The following RNF180 variants were observed in gnomAD, a reference collection of about 807,000 sequenced individuals.
RNF180 encodes the protein E3 ubiquitin-protein ligase RNF180.
In RNF180, 38 loss-of-function variants were observed where a neutral mutation model predicts 59.2. The observed-to-expected ratio is 0.64, with a 90% CI of 0.50 to 0.84. The LOEUF (loss-of-function observed/expected upper bound fraction) is 0.84, where lower values mean the gene tolerates loss of function less well. RNF180 is among the 40% of genes least tolerant of loss of function. The probability of loss-of-function intolerance (pLI) is 0.00; values close to 1 mark genes in which losing one functional copy is unlikely to be tolerated. For synonymous variants in RNF180, 262 were observed against 240.3 expected, an observed-to-expected ratio of 1.09 and a Z score of -0.84; for missense variants, 705 against 700.9, an observed-to-expected ratio of 1.01 and a Z score of -0.07.
At chr5:64,316,866 G>A (rs147565027) in intron 5 of RNF180, among the ~76,000 whole-genome samples, 158 of 152,232 alleles carry the variant, frequency 1.0e-3, no homozygotes, top group African/African-American at 3.7e-3. Flanking sequence ...GTCCCTCAAT[G>A]TCCAAGGGGG....
intron 1 of RNF180, among the ~76,000 whole-genome samples, chr5:64,179,916 T>A (rs1750478500): frequency 6.6e-6 from 1 of 152,206 alleles, no homozygotes; most frequent in Non-Finnish European, 1.5e-5. Context: ...TGTAAGACTT[T>A]TTAATTTTTC....
At chr5:64,250,332 A>T (rs1743486268) in intron 5 of RNF180, among the ~76,000 whole-genome samples, 1 of 152,122 alleles carries the variant, frequency 6.6e-6, no homozygotes, top group Admixed American at 6.6e-5. Flanking sequence ...AAAAGAACAG[A>T]AATCTCAACC....
chr5:64,227,086 C>G (rs1741813715), intron 5 of RNF180, among the ~76,000 whole-genome samples: 1 of 152,166 alleles, frequency 6.6e-6, no homozygotes, highest in African/African-American at 2.4e-5. Flanking sequence ...AGATCGTCAA[C>G]CACGGCTCCC....
At chr5:64,251,733 C>G (rs75525771) in intron 5 of RNF180, among the ~76,000 whole-genome samples, 3,129 of 152,182 alleles carry the variant, frequency 0.021, 98 homozygotes, top group African/African-American at 0.071. Context: ...AACTTTTGAA[C>G]TAACAAAAGA....
intron 5 of RNF180, among the ~76,000 whole-genome samples, chr5:64,323,846 C>A (rs936842192): frequency 7.9e-5 from 12 of 152,188 alleles, no homozygotes; most frequent in African/African-American, 2.4e-4. Flanking sequence ...ATTCTGCTAA[C>A]AAACCTTCTA....
chr5:64,318,050 A>C lies in RNF180; in HGVS notation c.1228-7136A>C, dbSNP rs534407834. On this transcript the variant is annotated intron_variant, in intron 5 of 7. Coordinates refer to ENST00000389100, the MANE Select transcript of RNF180 (RefSeq NM_001113561.2). ...GGTGCTCAAAGTATGGTTTCTACTG[A>C]ATGCATATAATTTTCACACCATCCT... 1.8e-4 allele frequency among the ~76,000 whole-genome samples: 27 copies of C among 152,292 alleles called. No homozygotes were observed. In the South Asian group the frequency reaches 3.3e-3, roughly 19 times the overall value.
At chr5:64,304,376 C>A (rs1277779881) in intron 5 of RNF180, among the ~76,000 whole-genome samples, 1 of 151,498 alleles carries the variant, frequency 6.6e-6, no homozygotes, top group Non-Finnish European at 1.5e-5. Flanking sequence ...GGGCAAAGCA[C>A]ATGGAAAACC....
At chr5:64,227,414 A>G (rs1741834807) in intron 5 of RNF180, among the ~76,000 whole-genome samples, 1 of 152,276 alleles carries the variant, frequency 6.6e-6, no homozygotes, top group East Asian at 1.9e-4. Context: ...CCAGCCACAC[A>G]TGTCCTGGTC....
intron 1 of RNF180, 69 bp downstream of exon 1, chr5:64,166,022 C>G (rs1413719061): frequency 6.5e-6 from 1 of 152,750 alleles, no homozygotes; most frequent in Non-Finnish European, 1.5e-5. Context: ...CTGGCCTCGG[C>G]CGGGCCCTAC....
chr5:64,317,551 T>C (rs1407078549), intron 5 of RNF180, among the ~76,000 whole-genome samples: 3 of 141,482 alleles, frequency 2.1e-5, no homozygotes, highest in African/African-American at 8.1e-5. Flanking sequence ...TATTTATATA[T>C]ACATATATAC....
chr5:64,215,203 A>G (rs1752553691), intron 4 of RNF180, among the ~76,000 whole-genome samples: 1 of 152,156 alleles, frequency 6.6e-6, no homozygotes, highest in Non-Finnish European at 1.5e-5. Context: ...AAGCCAATGG[A>G]TGAGATGCTC....
intron 7 of RNF180, among the ~76,000 whole-genome samples, chr5:64,344,075 A>C (rs1362054767): frequency 6.6e-6 from 1 of 151,974 alleles, no homozygotes. Flanking sequence ...AACTGCTGAA[A>C]CCCAAATATA....
At chr5:64,247,232 G>A (rs1196169547) in intron 5 of RNF180, among the ~76,000 whole-genome samples, 9 of 151,994 alleles carry the variant, frequency 5.9e-5, no homozygotes, top group East Asian at 1.9e-4. Context: ...TCACCACTCC[G>A]ATTCAGTACA....
intron 5 of RNF180, among the ~76,000 whole-genome samples, chr5:64,285,516 C>A (rs942974818): frequency 5.9e-5 from 9 of 151,794 alleles, no homozygotes; most frequent in African/African-American, 2.2e-4. Context: ...TGGGGGTAGA[C>A]CACAGGTGGA....
chr5:64,234,854 C>T (rs1228037340), intron 5 of RNF180, among the ~76,000 whole-genome samples: 1 of 151,992 alleles, frequency 6.6e-6, no homozygotes, highest in Non-Finnish European at 1.5e-5. Context: ...CCTCCTTGGC[C>T]TCCCGAGGCG....
rs1211013959 is a variant in RNF180 at position 64,283,439 on chromosome 5, T to C, written c.1228-41747T>C. Among the ~76,000 whole-genome samples the C allele has an allele frequency of 2.0e-5, 3 of 152,290 alleles. No homozygotes were observed. In the East Asian group the frequency reaches 5.8e-4, roughly 29 times the overall value. ...CTTCTTTATCTAGTTTGTCACTCTG[T>C]GCCTTCTAATTAGGGCATTTAGCTT... is the stretch of plus-strand genomic sequence containing the variant. On this transcript the variant is annotated intron_variant, in intron 5 of 7. Coordinates refer to ENST00000389100, the MANE Select transcript of RNF180 (RefSeq NM_001113561.2).
intron 1 of RNF180, among the ~76,000 whole-genome samples, chr5:64,184,673 G>A (rs972166429): frequency 1.3e-5 from 2 of 151,986 alleles, no homozygotes; most frequent in Admixed American, 6.6e-5. Context: ...ATACTATTAG[G>A]GTGAGCCAAA....
At chr5:64,209,611 A>G (rs1752200471) in intron 2 of RNF180, among the ~76,000 whole-genome samples, 1 of 152,026 alleles carries the variant, frequency 6.6e-6, no homozygotes, top group Non-Finnish European at 1.5e-5. Flanking sequence ...CTATTATTCT[A>G]CCAGTGTAGA....
Position 64,338,320 on chromosome 5 carries a change from T to C in RNF180, c.1579+7914T>C, listed in dbSNP as rs915474366. Among the ~76,000 whole-genome samples the C allele has an allele frequency of 6.0e-4, 92 of 152,150 alleles. 1 individual carries two copies. Among genetic ancestry groups the C allele is most frequent in the Admixed American group, 6.0e-3 (92 of 15,282 alleles). ...ATTTGATTTTGAACGGAAAAAGTAA[T>C]CATAGCATCCTGATTTTAAAAGGAA... On this transcript the variant is annotated intron_variant, in intron 7 of 7. Coordinates refer to ENST00000389100, the MANE Select transcript of RNF180 (RefSeq NM_001113561.2).
Sources: gnomAD v4.1 joint callset for allele counts (sites outside exome capture counted in the v4.1 genomes callset) on GRCh38, gnomAD v4.1.1 for gene constraint, MANE v1.5 for transcripts, NCBI Gene and HGNC (gene_info 2026-07-23, HGNC 2026-07-21) for gene names.